The following ERG28 variants were observed in gnomAD, a reference collection of about 807,000 sequenced individuals.
The protein encoded by ERG28 is ergosterol biosynthesis 28 homolog, also known as ergosterol biosynthetic protein 28 homolog.
Under a neutral mutation model 15.7 loss-of-function variants are expected in ERG28, and 9 were observed. The observed-to-expected ratio is 0.57, with a 90% confidence interval of 0.35 to 1.00. The LOEUF (loss-of-function observed/expected upper bound fraction) is 1.00. ERG28 is among the 50% of genes least tolerant of loss of function. The pLI is 0.02. For synonymous variants in ERG28, 61 were observed against 68.4 expected (o/e 0.89, Z 0.53); for missense variants, 117 against 173.3 (o/e 0.68, Z 1.82).
chr14:75,652,628 A>G (rs182756501), intron 3 of ERG28, among the ~76,000 whole-genome samples: 78 of 152,288 alleles, frequency 5.1e-4, no homozygotes, highest in Admixed American at 3.3e-3. Flanking sequence ...CACCAATGCA[A>G]CCAACACCCA....
Position 75,651,474 on chromosome 14 carries a change from G to T in ERG28, c.*81C>A. On this transcript the variant is annotated 3_prime_UTR_variant, in exon 5 of 5. Coordinates refer to ENST00000256319, the MANE Select transcript of ERG28 (RefSeq NM_007176.4). ...AAAGGGCAGATGATGGAATAGAAAA[G>T]AAATTAAAGAGGAGAGACGACGAAG... The T allele has an allele frequency of 7.4e-7, 1 of 1,357,882 alleles. No homozygotes were observed. Among genetic ancestry groups the T allele is most frequent in the Non-Finnish European group, 1.0e-6 (1 of 972,582 alleles). 84.1% of individuals were successfully genotyped at this position (1,357,882 alleles called of 1,614,324 possible).
chr14:75,652,941 G>A (rs544185229), intron 3 of ERG28, among the ~76,000 whole-genome samples: 1 of 148,556 alleles, frequency 6.7e-6, no homozygotes, highest in South Asian at 2.2e-4. Flanking sequence ...TCCTGCCTCA[G>A]CCTCCTGGAG....
intron 2 of ERG28, 82 bp from the exon 3 acceptor site, chr14:75,655,058 C>T: frequency 7.2e-7 from 1 of 1,392,520 alleles, no homozygotes; most frequent in Non-Finnish European, 1.0e-6. Context: ...ACTGGTGGTT[C>T]ATGGGAGATA....
intron 2 of ERG28, 54 bp from the exon 3 acceptor site, chr14:75,655,030 C>T (rs987002528): frequency 6.6e-7 from 1 of 1,511,658 alleles, no homozygotes; most frequent in Non-Finnish European, 9.2e-7. Flanking sequence ...GAGGTTCCTT[C>T]CAAACTCCTC....
Position 75,651,267 on chromosome 14 carries a change from AGG to A in ERG28, c.*286_*287del. ...AAGGCTGGAAAAGGGAGCCTGGAAG[AGG>A]TTGCAGGTAGGGGAAGGAGACACAG... On this transcript the variant is annotated 3_prime_UTR_variant, in exon 5 of 5. Transcript: ENST00000256319. 1 of 268,106 alleles carries A rather than the reference AGG, an allele frequency of 3.7e-6. No individual in the cohort carries two copies. The highest frequency in any genetic ancestry group is 6.9e-5 in the East Asian group (1 of 14,584). The allele number at this position is 268,106 out of a possible 1,614,324, so 16.6% of individuals were successfully genotyped here. A position where few individuals can be genotyped will look rare whatever the true frequency, so the allele number is the denominator to read the frequency against.
At position 75,651,451 on chromosome 14, in the gene ERG28, AG is replaced by A; in HGVS notation, c.*103del. ...AAAAAAGAGGCTAAAAGTGAATAAA[AG>A]GGCAGATGATGGAATAGAAAAGAAA... On this transcript the variant is annotated 3_prime_UTR_variant, in exon 5 of 5. Coordinates refer to ENST00000256319, the MANE Select transcript of ERG28 (RefSeq NM_007176.4). 8.9e-7 allele frequency: 1 copy of A among 1,124,094 alleles called. No homozygotes were observed. Among genetic ancestry groups the A allele is most frequent in the East Asian group, 2.4e-5 (1 of 41,984 alleles). 69.6% of individuals were successfully genotyped at this position (1,124,094 alleles called of 1,614,324 possible).
At chr14:75,655,001 T>C (rs1176901548) in intron 2 of ERG28, 25 bp from the exon 3 acceptor site, 2 of 1,594,212 alleles carry the variant, frequency 1.3e-6, no homozygotes. Flanking sequence ...AAAGCAAGAG[T>C]GTTCAGAAGG....
intron 3 of ERG28, among the ~76,000 whole-genome samples, chr14:75,652,199 T>C (rs190060386): frequency 7.9e-5 from 12 of 152,342 alleles, no homozygotes; most frequent in Non-Finnish European, 1.6e-4. Context: ...TCGCAGGCAG[T>C]GTAGACAACT....
rs1164948699 is a variant in ERG28 at position 75,651,771 on chromosome 14, T to C, written c.343A>G (p.Ser115Gly). 3 of 1,610,728 alleles carry C rather than the reference T, an allele frequency of 1.9e-6. No individual in the cohort carries two copies. The South Asian group carries it at 3.3e-5, about 18-fold the overall frequency. ...IGVLAPLMVASFSILGMLVGL... is the reference protein window; with the variant it reads ...IGVLAPLMVAGFSILGMLVGL... Reference sequence around the variant, plus strand: ...AGGTCTAGGGTGGTTGGATGCTTACTTGCCACCATCAGGGGTGCCAGGACG... The same window carrying C: ...AGGTCTAGGGTGGTTGGATGCTTACCTGCCACCATCAGGGGTGCCAGGACG... The change falls in exon 4 of 5, where the codon AGT becomes GGT. Residue 115 changes from serine to glycine, a missense_variant and splice_region_variant. Ser to Gly is a moderately conservative substitution (Grantham distance 56). Transcript: ENST00000256319.
intron 1 of ERG28, 67 bp from the exon 2 acceptor site, chr14:75,657,600 G>C (rs1243023773): frequency 1.4e-6 from 2 of 1,457,212 alleles, no homozygotes; most frequent in African/African-American, 2.8e-5. Context: ...AGCAGGAAGG[G>C]AGGAAGAATG....
Position 75,657,399 on chromosome 14 carries a change from T to C in ERG28, c.104A>G (p.Glu35Gly), listed in dbSNP as rs1239775301. The C allele has an allele frequency of 6.2e-7, 1 of 1,613,472 alleles. No individual in the cohort carries two copies. The highest frequency in any genetic ancestry group is 8.5e-7 in the Non-Finnish European group (1 of 1,179,832). Residue 35 changes from glutamate to glycine, a missense_variant, in exon 2 of 5, where the codon GAA becomes GGA. By Grantham distance (98) the Glu-to-Gly change is moderately conservative. Coordinates refer to ENST00000256319, the MANE Select transcript of ERG28 (RefSeq NM_007176.4). ...GTTTGGCTTGCCAGTGTAGAGCTTT[T>C]CATAGAGAAAAGTGTGGTCTCGGAA... ...QSFRDHTFLYEKLYTGKPNLV... is the reference protein window; with the variant it reads ...QSFRDHTFLYGKLYTGKPNLV...
In ERG28 at chr14:75,651,297, G is replaced by A. The variant is rs1890522599; in HGVS notation, c.*258C>T. 1.3e-5 allele frequency: 4 copies of A among 313,606 alleles called. No individual in the cohort carries two copies. Among genetic ancestry groups the A allele is most frequent in the African/African-American group, 8.5e-5 (4 of 47,046 alleles). 19.4% of individuals were successfully genotyped at this position (313,606 alleles called of 1,614,324 possible). A position where few individuals can be genotyped will look rare whatever the true frequency, so the allele number is the denominator to read the frequency against. ...GCAGGTAGGGGAAGGAGACACAGTG[G>A]GCTTCCGAGAAGCTGGCAATTTCTT... On this transcript the variant is annotated 3_prime_UTR_variant, in exon 5 of 5. Coordinates refer to ENST00000256319, the MANE Select transcript of ERG28 (RefSeq NM_007176.4).
At chr14:75,652,498 A>G (rs1292223058) in intron 3 of ERG28, among the ~76,000 whole-genome samples, 2 of 152,242 alleles carry the variant, frequency 1.3e-5, no homozygotes, top group African/African-American at 4.8e-5. Context: ...TATAAGGTAG[A>G]GAAGAGACAG....
rs1211265397 is a variant in ERG28, at chr14:75,650,752, G to A, written c.*803C>T. On this transcript the variant is annotated 3_prime_UTR_variant, in exon 5 of 5. Coordinates refer to ENST00000256319, the MANE Select transcript of ERG28 (RefSeq NM_007176.4). The stretch of plus-strand genomic sequence containing the variant: ...AATGAGCAAATGACAGTAAGGAGCC[G>A]GAGGCAGCCAGGCTGACCTGTGTCA... The A allele has an allele frequency of 6.6e-6, 1 of 152,482 alleles. No individual in the cohort carries two copies. The highest frequency in any genetic ancestry group is 1.9e-4 in the East Asian group (1 of 5,200). 9.4% of individuals were successfully genotyped at this position (152,482 alleles called of 1,614,324 possible). A position where few individuals can be genotyped will look rare whatever the true frequency, so the allele number is the denominator to read the frequency against.
In ERG28 at chr14:75,651,859, G is replaced by A. The variant is rs569202089; in HGVS notation, c.255C>T (p.Leu85=). Residue 85 remains leucine (L), a synonymous_variant, in exon 4 of 5, where the codon CTC becomes CTT. Transcript: ENST00000256319. ...TLYHITLWTF[L]LALGHFLSEL... is the part of the protein sequence containing the mutation. ...CAGAGAGGAAATGCCCCAGGGCAAG[G>A]AGGAAGGTCCAGAGTGTGATGTGAT... The A allele has an allele frequency of 9.3e-6, 15 of 1,613,902 alleles. No homozygotes were observed. The Admixed American group carries it at 1.8e-4, about 20-fold the overall frequency.
intron 1 of ERG28, among the ~76,000 whole-genome samples, chr14:75,659,279 C>T (rs1890639772): frequency 1.3e-5 from 2 of 152,214 alleles, no homozygotes; most frequent in African/African-American, 4.8e-5. Context: ...GAAAGAAAAG[C>T]ATACCATATC....
At chr14:75,653,172 G>A (rs1436065328) in intron 3 of ERG28, among the ~76,000 whole-genome samples, 2 of 152,114 alleles carry the variant, frequency 1.3e-5, no homozygotes, top group African/African-American at 4.8e-5. Context: ...TCTCTAGTTA[G>A]GGAGGGAATA....
intron 1 of ERG28, among the ~76,000 whole-genome samples, chr14:75,660,123 C>A (rs762600835): frequency 1.3e-5 from 2 of 152,242 alleles, no homozygotes; most frequent in Non-Finnish European, 1.5e-5. Context: ...CACCTCTCCA[C>A]TTTTCTGCAC....
chr14:75,658,743 C>T (rs1305139843), intron 1 of ERG28, among the ~76,000 whole-genome samples: 2 of 152,074 alleles, frequency 1.3e-5, no homozygotes, highest in Non-Finnish European at 2.9e-5. Flanking sequence ...CCTCCTGTAA[C>T]CTGTCGAATG....
Sources: allele counts gnomAD v4.1 joint callset (sites outside exome capture counted in the v4.1 genomes callset), GRCh38; gene constraint gnomAD v4.1.1; transcripts MANE v1.5; gene names NCBI Gene and HGNC (gene_info 2026-07-23, HGNC 2026-07-21).